NFATC1: variants seen among roughly 807,000 people sequenced by gnomAD.
The protein encoded by NFATC1 is nuclear factor of activated T-cells, cytoplasmic 1.
In NFATC1, 22 loss-of-function variants were observed where a neutral mutation model predicts 76.0. The ratio of observed to expected loss-of-function variants is 0.29; its 90% confidence interval spans 0.21 to 0.41. The LOEUF is 0.41. Among genes scored for constraint, NFATC1 ranks in the 10% least tolerant of loss-of-function variants. The pLI is 1.00. For synonymous variants in NFATC1, 704 were observed against 613.1 expected, an observed-to-expected ratio of 1.15 and a Z score of -2.19; for missense variants, 1,357 against 1,337.7, an observed-to-expected ratio of 1.01 and a Z score of -0.23.
At chr18:79,489,203 G>A (rs1199304628) in intron 9 of NFATC1, among the ~76,000 whole-genome samples, 4 of 152,254 alleles carry the variant, frequency 2.6e-5, no homozygotes, top group Non-Finnish European at 5.9e-5. Context: ...GTCGCTGAGT[G>A]CACAGGCTAG....
chr18:79,400,192 T>G, intron 1 of NFATC1: 1 of 1,137,964 alleles, frequency 8.8e-7, no homozygotes. Context: ...GTCCGGGGAG[T>G]TTATTTAAAA....
intron 2 of NFATC1, among the ~76,000 whole-genome samples, chr18:79,425,113 GTCGCTCTGTC>G: frequency 6.5e-5 from 9 of 138,562 alleles, no homozygotes; most frequent in East Asian, 2.2e-4. Context: ...CTCTGTCTCT[GTCGCTCTGTC>G]TCTCTCTGTC....
chr18:79,510,666 C>T (rs983187513), intron 9 of NFATC1, among the ~76,000 whole-genome samples: 4 of 152,234 alleles, frequency 2.6e-5, no homozygotes, highest in Non-Finnish European at 5.9e-5. Context: ...TTGCCAGGCT[C>T]GGTTTCCAAG....
chr18:79,433,731 T>A lies in NFATC1; in HGVS notation c.1379T>A (p.Ile460Asn). 1.2e-6 allele frequency: 2 copies of A among 1,612,308 alleles called. No homozygotes were observed. Among genetic ancestry groups the A allele is most frequent in the Non-Finnish European group, 1.7e-6 (2 of 1,179,682 alleles). Residue 460 changes from isoleucine (I) to asparagine (N), a missense_variant, in exon 3 of 10, where the codon ATC becomes AAC. This residue lies in a region of NFATC1 where 242 missense variants were observed against 329.2 expected (regional missense o/e 0.74). Transcript: ENST00000427363. ...AVKASAGGHP[I>N]VQLHGYLENE... is the part of the protein sequence containing the mutation. ...AAGGCGTCGGCCGGAGGACACCCCA[T>A]CGTGCAGGTAGGCACTGCGGCCAGA...
intron 6 of NFATC1, among the ~76,000 whole-genome samples, chr18:79,453,105 C>A (rs1198316322): frequency 1.3e-5 from 2 of 152,238 alleles, no homozygotes; most frequent in Non-Finnish European, 2.9e-5. Context: ...ATTGCCCGTG[C>A]CTTCTCGGGA....
chr18:79,472,150 G>A (rs907681122), intron 8 of NFATC1, among the ~76,000 whole-genome samples: 54 of 152,232 alleles, frequency 3.5e-4, no homozygotes, highest in African/African-American at 1.1e-3. Context: ...GGTGTGAGCC[G>A]TGGGGGGGCG....
intron 6 of NFATC1, among the ~76,000 whole-genome samples, chr18:79,455,778 C>T (rs1667691): frequency 5.5e-4 from 6 of 10,882 alleles, no homozygotes; most frequent in African/African-American, 1.9e-3. Flanking sequence ...CCGCCCCATC[C>T]CACGGCCGCC....
At chr18:79,515,457 C>G (rs441145) in intron 9 of NFATC1, among the ~76,000 whole-genome samples, 2 of 151,344 alleles carry the variant, frequency 1.3e-5, no homozygotes, top group Admixed American at 6.6e-5. Context: ...TGGTGGTGGG[C>G]GGGTGGTGGT....
At position 79,486,841 on chromosome 18, in the gene NFATC1, C is replaced by T. The variant is rs1380929011; in HGVS notation, c.2686C>T (p.Pro896Ser). ...ESPTAGPRLL[P>S]EVHEDGSPNL... ...TCCGACTGCCGGGCCACGGCTGCTGCCAGAGGTGCATGAGGACGGTAGTCC... is the reference window on the plus strand; with the variant it reads ...TCCGACTGCCGGGCCACGGCTGCTGTCAGAGGTGCATGAGGACGGTAGTCC... The change falls in exon 9 of 10, where the codon CCA becomes TCA. Residue 896 changes from proline to serine, a missense_variant. Pro to Ser is a moderately conservative substitution (Grantham distance 74, BLOSUM62 -1). This residue lies in a region of NFATC1 where 424 missense variants were observed against 395.4 expected (regional missense o/e 1.07). Coordinates refer to ENST00000427363, the MANE Select transcript of NFATC1 (RefSeq NM_001278669.2). The T allele has an allele frequency of 1.2e-6, 2 of 1,611,912 alleles. No individual in the cohort carries two copies. The highest frequency in any genetic ancestry group is 1.7e-6 in the Non-Finnish European group (2 of 1,179,540).
chr18:79,510,687 T>G (rs1228734606), intron 9 of NFATC1, among the ~76,000 whole-genome samples: 1 of 152,190 alleles, frequency 6.6e-6, no homozygotes, highest in African/African-American at 2.4e-5. Context: ...TCTGCTGGGT[T>G]TGGGAGCGGT....
rs1021996922 is a variant in NFATC1 at position 79,444,702 on chromosome 18, A to G, written c.1387-4080A>G. Among the ~76,000 whole-genome samples the G allele has an allele frequency of 6.1e-4, 92 of 151,974 alleles. 2 individuals are homozygous for G. The highest frequency in any genetic ancestry group is 5.0e-3 in the Admixed American group (76 of 15,286). On this transcript the variant is annotated intron_variant, in intron 3 of 9. Transcript: ENST00000427363. ...CCACGTGCCCGACCCCGCAGACCAC[A>G]CCGGCACTGCACACACAGGCACCCC...
intron 3 of NFATC1, among the ~76,000 whole-genome samples, chr18:79,447,291 C>T (rs1434935531): frequency 6.6e-6 from 1 of 152,250 alleles, no homozygotes; most frequent in Non-Finnish European, 1.5e-5. Flanking sequence ...CGGGCTCCCC[C>T]GCCTTCTCCC....
Position 79,396,176 on chromosome 18 carries a change from T to G in NFATC1, c.-49T>G. On this transcript the variant is annotated 5_prime_UTR_variant, in exon 1 of 10. Transcript: ENST00000427363. Reference sequence around the variant, plus strand: ...GACCCCGGCAGCGCGGGGCGGCCGCTTCTCCTGTGCCTCCGCCCGCCGCTC... The same window carrying G: ...GACCCCGGCAGCGCGGGGCGGCCGCGTCTCCTGTGCCTCCGCCCGCCGCTC... 7.1e-7 allele frequency: 1 copy of G among 1,412,920 alleles called. No homozygotes were observed. The allele number at this position is 1,412,920 out of a possible 1,614,324, so 87.5% of individuals were successfully genotyped here.
chr18:79,491,848 A>T (rs1660157), intron 9 of NFATC1, among the ~76,000 whole-genome samples: 1 of 151,646 alleles, frequency 6.6e-6, no homozygotes, highest in African/African-American at 2.4e-5. Context: ...GCCCCTGGGC[A>T]CCCAGCCATG....
At chr18:79,404,062 T>C (rs1185703689) in intron 1 of NFATC1, among the ~76,000 whole-genome samples, 2 of 152,246 alleles carry the variant, frequency 1.3e-5, no homozygotes, top group Non-Finnish European at 1.5e-5. Flanking sequence ...TGTCGTGTTT[T>C]TCAAAGGAAG....
At chr18:79,444,786 C>T (rs2087136014) in intron 3 of NFATC1, among the ~76,000 whole-genome samples, 1 of 148,088 alleles carries the variant, frequency 6.8e-6, no homozygotes, top group South Asian at 2.1e-4. Context: ...CACAGGCACC[C>T]CCGTGGCCAC....
At chr18:79,449,074 C>T (rs567791783) in intron 4 of NFATC1, 90 bp downstream of exon 4, 4 of 1,334,802 alleles carry the variant, frequency 3.0e-6, no homozygotes, top group South Asian at 2.7e-5. Context: ...GCCAGCCCCC[C>T]GCACTTCCAG....
intron 1 of NFATC1, among the ~76,000 whole-genome samples, chr18:79,399,849 A>G (rs965271655): frequency 4.0e-5 from 6 of 151,878 alleles, no homozygotes; most frequent in African/African-American, 1.5e-4. Flanking sequence ...CGGGGTTCCT[A>G]GCGTTGGCGG....
At chr18:79,484,847 CG>C (rs977461042) in intron 8 of NFATC1, among the ~76,000 whole-genome samples, 10 of 151,334 alleles carry the variant, frequency 6.6e-5, no homozygotes, top group East Asian at 3.9e-4. Context: ...GGGACCTGTG[CG>C]GGGGGGGAAG....
Sources: gnomAD v4.1 joint callset for allele counts (sites outside exome capture counted in the v4.1 genomes callset) on GRCh38, gnomAD v4.1.1 for gene constraint, gnomAD v4.1.1 regional missense constraint, MANE v1.5 for transcripts, NCBI Gene and HGNC (gene_info 2026-07-23, HGNC 2026-07-21) for gene names.